Variants in FRMD4A observed in about 807,000 individuals in gnomAD.
FRMD4A encodes the protein FERM domain containing 4A.
Under a neutral mutation model 129.1 loss-of-function variants are expected in FRMD4A, and 29 were observed. The ratio of observed to expected loss-of-function variants is 0.22; its 90% CI spans 0.17 to 0.31. The LOEUF (loss-of-function observed/expected upper bound fraction) is 0.31. Ranked by LOEUF, FRMD4A falls within the 10% of genes least tolerant of loss-of-function variation. The pLI, the probability that FRMD4A is intolerant of heterozygous loss-of-function variation, is 1.00. For synonymous variants in FRMD4A, 634 were observed against 571.6 expected (o/e 1.11, Z -1.56); for missense variants, 1,272 against 1,375.8 (o/e 0.92, Z 1.19).
intron 2 of FRMD4A, among the ~76,000 whole-genome samples, chr10:14,213,919 C>T (rs1280788676): frequency 2.6e-5 from 4 of 152,224 alleles, no homozygotes; most frequent in Non-Finnish European, 5.9e-5. Context: ...GTTTCGTTCT[C>T]TCTTATCTGC....
At chr10:14,324,692 G>C (rs1843196405) in intron 2 of FRMD4A, among the ~76,000 whole-genome samples, 2 of 152,100 alleles carry the variant, frequency 1.3e-5, no homozygotes, top group Admixed American at 1.3e-4. Flanking sequence ...GTCCCGCTCT[G>C]TCACCCAAGC....
rs61600242 is a variant in FRMD4A at position 13,715,905 on chromosome 10, CAAAA to C, written c.760-8796_760-8793del. 2.2e-3 allele frequency among the ~76,000 whole-genome samples: 271 copies of C among 125,432 alleles called. 1 individual carries two copies. Among genetic ancestry groups the C allele is most frequent in the African/African-American group, 7.1e-3 (234 of 33,116 alleles). The allele number at this position is 125,432 out of a possible 152,430, so 82.3% of individuals were successfully genotyped here. On this transcript the variant is annotated intron_variant, in intron 12 of 24. Transcript: ENST00000357447. The stretch of plus-strand genomic sequence containing the variant: ...GGGTGACAGAGTGAGACTCCCCCCT[CAAAA>C]AAAAAAAAAAAAAAAGAAATGCTAT...
chr10:14,276,806 T>A (rs76364100), intron 2 of FRMD4A, among the ~76,000 whole-genome samples: 8,911 of 152,258 alleles, frequency 0.059, 321 homozygotes, highest in South Asian at 0.17. Context: ...ACTACTCACA[T>A]TTGTGGCAAT....
Position 13,663,328 on chromosome 10 carries a change from C to T in FRMD4A, c.1660+125G>A, listed in dbSNP as rs561926979. 16 of 649,686 alleles carry T rather than the reference C, an allele frequency of 2.5e-5. No individual in the cohort carries two copies. In the East Asian group the frequency reaches 4.1e-4, roughly 17 times the overall value. The allele number at this position is 649,686 out of a possible 1,614,324, so 40.2% of individuals were successfully genotyped here. On this transcript the variant is annotated intron_variant, in intron 19 of 24. Transcript: ENST00000357447. ...GAATACTGGGAAATGAGAGAGCTTG[C>T]AGGGAGCCCAGCTGCCTTTTGGCCT...
chr10:14,194,470 G>T (rs371739256), intron 2 of FRMD4A, among the ~76,000 whole-genome samples: 37 of 152,188 alleles, frequency 2.4e-4, no homozygotes, highest in African/African-American at 8.4e-4. Flanking sequence ...AATTAGCCGG[G>T]CGTGGTGGCA....
intron 9 of FRMD4A, 41 bp downstream of exon 9, chr10:13,747,695 C>T (rs779286379): frequency 1.5e-5 from 16 of 1,088,366 alleles, no homozygotes; most frequent in Non-Finnish European, 2.3e-5. Context: ...CCTCGCACCC[C>T]GAGAGGGACT....
intron 2 of FRMD4A, among the ~76,000 whole-genome samples, chr10:14,116,129 C>T (rs892947548): frequency 7.9e-5 from 12 of 152,190 alleles, no homozygotes; most frequent in African/African-American, 2.2e-4. Context: ...TTTTTCTCCT[C>T]GGGCTATTGC....
intron 2 of FRMD4A, among the ~76,000 whole-genome samples, chr10:14,309,650 G>A (rs376844310): frequency 6.6e-6 from 1 of 151,942 alleles, no homozygotes; most frequent in African/African-American, 2.4e-5. Context: ...AGCAGCATTC[G>A]AACCCCAGCC....
rs7913247 is a variant in FRMD4A, at chr10:13,838,236, C to T, written c.111+20611G>A. 3.4e-3 allele frequency among the ~76,000 whole-genome samples: 507 copies of T among 151,308 alleles called. 2 individuals carry two copies. Among genetic ancestry groups the T allele is most frequent in the African/African-American group, 0.011 (460 of 41,148 alleles). The stretch of plus-strand genomic sequence containing the variant: ...CAGTAGCTGGGACTACAGACGTGCA[C>T]CACCATGCAGAGCTAATTTTTTTTT... On this transcript the variant is annotated intron_variant, in intron 3 of 24. Coordinates refer to ENST00000357447, the MANE Select transcript of FRMD4A (RefSeq NM_018027.5).
chr10:13,785,165 C>G (rs2092823306), intron 5 of FRMD4A, among the ~76,000 whole-genome samples: 1 of 152,118 alleles, frequency 6.6e-6, no homozygotes, highest in South Asian at 2.1e-4. Flanking sequence ...TATCATTTTT[C>G]AAATGTGTGC....
chr10:13,762,207 CT>C (rs545659721), intron 7 of FRMD4A, among the ~76,000 whole-genome samples: 86 of 152,246 alleles, frequency 5.6e-4, no homozygotes, highest in African/African-American at 2.0e-3. Context: ...TCTATAACAT[CT>C]TTTTTTACGT....
chr10:14,042,937 A>G (rs1039949667), intron 2 of FRMD4A, among the ~76,000 whole-genome samples: 9 of 151,388 alleles, frequency 5.9e-5, no homozygotes, highest in South Asian at 4.2e-4. Flanking sequence ...AAAAAAAAAA[A>G]AAAAAAAAAA....
chr10:13,710,562 A>G (rs1280289092), intron 12 of FRMD4A: 1 of 152,228 alleles, frequency 6.6e-6, no homozygotes, highest in African/African-American at 2.4e-5. Flanking sequence ...TGCACTAGAC[A>G]TTTTTGTGGC....
intron 2 of FRMD4A, among the ~76,000 whole-genome samples, chr10:13,887,077 A>G (rs2094632037): frequency 6.6e-6 from 1 of 152,216 alleles, no homozygotes; most frequent in Admixed American, 6.5e-5. Flanking sequence ...ACAAAAAGCC[A>G]GAAAACATCA....
intron 2 of FRMD4A, among the ~76,000 whole-genome samples, chr10:14,033,673 T>G (rs1254480781): frequency 1.3e-5 from 2 of 151,932 alleles, no homozygotes; most frequent in African/African-American, 4.8e-5. Context: ...TAATCCCAGT[T>G]ACGTGGGAGG....
intron 2 of FRMD4A, among the ~76,000 whole-genome samples, chr10:14,032,312 G>A (rs1343204514): frequency 6.6e-6 from 1 of 152,184 alleles, no homozygotes; most frequent in Non-Finnish European, 1.5e-5. Flanking sequence ...AAATCATGAA[G>A]AAGTGATCGA....
chr10:14,052,827 G>C (rs1834326664), intron 2 of FRMD4A, among the ~76,000 whole-genome samples: 1 of 152,106 alleles, frequency 6.6e-6, no homozygotes, highest in Non-Finnish European at 1.5e-5. Context: ...GCTTCCCAAA[G>C]TGCTGGGATT....
At chr10:13,874,209 G>A (rs940592214) in intron 2 of FRMD4A, among the ~76,000 whole-genome samples, 1 of 128,192 alleles carries the variant, frequency 7.8e-6, no homozygotes, top group Non-Finnish European at 1.5e-5. Flanking sequence ...TTGCACGACT[G>A]CACTCCAGCC....
At position 14,265,018 on chromosome 10, in the gene FRMD4A, G is replaced by A. The variant is rs1303459443; in HGVS notation, c.45+65040C>T. Among the ~76,000 whole-genome samples, 11 of 152,074 alleles carry A rather than the reference G, an allele frequency of 7.2e-5. 1 individual carries two copies. Among genetic ancestry groups the A allele is most frequent in the South Asian group, 2.1e-4 (1 of 4,810 alleles). ...AGGCTGGTCTCGAACTCCTGACCTC[G>A]TGATCCGCAAGCCTCGGCCTCCCAA... is the stretch of plus-strand genomic sequence containing the variant. On this transcript the variant is annotated intron_variant, in intron 2 of 24. Transcript: ENST00000357447.
Sources: allele counts gnomAD v4.1 joint callset (sites outside exome capture counted in the v4.1 genomes callset), GRCh38; gene constraint gnomAD v4.1.1; transcripts MANE v1.5; gene names NCBI Gene and HGNC (gene_info 2026-07-23, HGNC 2026-07-21).